Variants in TNRC6A observed in about 807,000 individuals in gnomAD.
TNRC6A encodes trinucleotide repeat-containing gene 6A protein.
Under a neutral mutation model 221.2 loss-of-function variants are expected in TNRC6A, and 44 were observed. The ratio of observed to expected loss-of-function variants is 0.20; its 90% CI spans 0.16 to 0.26. The LOEUF (loss-of-function observed/expected upper bound fraction) is 0.26, where lower values mean the gene tolerates loss of function less well. Among genes scored for constraint, TNRC6A ranks in the 10% least tolerant of loss-of-function variants. The pLI is 1.00. For synonymous variants in TNRC6A, 847 were observed against 838.5 expected (o/e 1.01, Z -0.18); for missense variants, 2,199 against 2,404.4 (o/e 0.91, Z 1.79).
chr16:24,675,702 C>CTCTATATATA (rs1180245687), intron 2 of TNRC6A, among the ~76,000 whole-genome samples: 1 of 33,264 alleles, frequency 3.0e-5, no homozygotes, highest in Non-Finnish European at 5.2e-5. Flanking sequence ...CTCTCTCTCT[C>CTCTATATATA]TATATATATA....
intron 2 of TNRC6A, among the ~76,000 whole-genome samples, chr16:24,675,357 C>T (rs551361049): frequency 6.6e-6 from 1 of 151,940 alleles, no homozygotes; most frequent in South Asian, 2.1e-4. Flanking sequence ...TTCAGGCTGC[C>T]GAAGGATACA....
intron 2 of TNRC6A, among the ~76,000 whole-genome samples, chr16:24,722,675 C>T (rs543437274): frequency 6.6e-6 from 1 of 152,148 alleles, no homozygotes; most frequent in South Asian, 2.1e-4. Flanking sequence ...CCCAAATGAT[C>T]CACCTGCCTC....
intron 5 of TNRC6A, among the ~76,000 whole-genome samples, chr16:24,780,196 C>CGAGT (rs1470304747): frequency 6.6e-6 from 1 of 152,182 alleles, no homozygotes; most frequent in East Asian, 1.9e-4. Flanking sequence ...ACATAGTGAA[C>CGAGT]ACTCGTATAC....
chr16:24,780,757 GTT>G (rs35114560), intron 5 of TNRC6A, among the ~76,000 whole-genome samples: 7,757 of 149,098 alleles, frequency 0.052, 620 homozygotes, highest in East Asian at 0.36. Context: ...GTTTGAAGTA[GTT>G]TTTTTTTTTT....
intron 7 of TNRC6A, 55 bp downstream of exon 7, chr16:24,793,704 G>A: frequency 7.8e-7 from 1 of 1,282,530 alleles, no homozygotes. Flanking sequence ...AACACTCACT[G>A]ACTATAATTA....
intron 2 of TNRC6A, among the ~76,000 whole-genome samples, chr16:24,645,182 T>G (rs1220739769): frequency 6.6e-6 from 1 of 152,236 alleles, no homozygotes; most frequent in African/African-American, 2.4e-5. Context: ...GTGGTTTGAC[T>G]TTGAAGCAAA....
intron 9 of TNRC6A, among the ~76,000 whole-genome samples, chr16:24,796,634 C>T (rs1467876537): frequency 6.6e-6 from 1 of 152,158 alleles, no homozygotes; most frequent in Non-Finnish European, 1.5e-5. Flanking sequence ...ACTTCAGAAT[C>T]TGCGGAGAGA....
At chr16:24,623,901 C>CAAAAAAA (rs67546745) in intron 1 of TNRC6A, among the ~76,000 whole-genome samples, 3 of 55,160 alleles carry the variant, frequency 5.4e-5, no homozygotes, top group Admixed American at 3.3e-4. Flanking sequence ...GACCCTGTCT[C>CAAAAAAA]AAAAAAAAAA....
At chr16:24,798,353 G>A (rs2058263846) in intron 11 of TNRC6A, among the ~76,000 whole-genome samples, 1 of 152,188 alleles carries the variant, frequency 6.6e-6, no homozygotes, top group East Asian at 1.9e-4. Context: ...AGCCGTGGTG[G>A]TGGTAGTGAA....
chr16:24,623,677 G>A (rs1366241857), intron 1 of TNRC6A, among the ~76,000 whole-genome samples: 1 of 151,850 alleles, frequency 6.6e-6, no homozygotes, highest in African/African-American at 2.4e-5. Flanking sequence ...GGGTGCTTGA[G>A]TCCAGGAGTT....
At chr16:24,762,463 G>A (rs1054522985) in intron 4 of TNRC6A, among the ~76,000 whole-genome samples, 1 of 148,072 alleles carries the variant, frequency 6.8e-6, no homozygotes, top group African/African-American at 2.4e-5. Flanking sequence ...CACTAATAAT[G>A]AATGGGTATC....
rs915296640 is a variant in TNRC6A, at chr16:24,770,385, G to A, written c.164-6548G>A. On this transcript the variant is annotated intron_variant, in intron 4 of 24. Coordinates refer to ENST00000395799, the MANE Select transcript of TNRC6A (RefSeq NM_014494.4). ...ATTTCGGGATGCGTGAAAGTGGGTG[G>A]GGCAGGGATCAAGACTTGAGCCAGG... Among the ~76,000 whole-genome samples, 44 of 152,098 alleles carry A rather than the reference G, an allele frequency of 2.9e-4. 1 individual carries two copies. The highest frequency in any genetic ancestry group is 2.7e-3 in the Admixed American group (42 of 15,288).
Position 24,818,696 on chromosome 16 carries a change from T to C in TNRC6A, c.5076T>C (p.Thr1692=). 1 of 1,613,782 alleles carries C rather than the reference T, an allele frequency of 6.2e-7. No homozygotes were observed. Among genetic ancestry groups the C allele is most frequent in the Non-Finnish European group, 8.5e-7 (1 of 1,179,708 alleles). The part of the protein sequence containing the change: ...NVPLSSTAQS[T]SARNSDSKLT... ...CCCTCAGCAGTACAGCACAAAGCAC[T>C]TCAGGTGGGCCTCGCCTTCGCTCAG... Residue 1692 remains threonine, a synonymous_variant, in exon 21 of 25, where the codon ACT becomes ACC. Transcript: ENST00000395799.
At chr16:24,711,842 A>G (rs2056211639) in intron 2 of TNRC6A, among the ~76,000 whole-genome samples, 1 of 151,892 alleles carries the variant, frequency 6.6e-6, no homozygotes, top group Admixed American at 6.6e-5. Context: ...ATTTTTAAAA[A>G]TAGAGATGGA....
intron 22 of TNRC6A, 45 bp from the exon 23 acceptor site, chr16:24,822,032 C>T: frequency 6.3e-7 from 1 of 1,593,126 alleles, no homozygotes; most frequent in Non-Finnish European, 8.6e-7. Context: ...TAGTTGGGCT[C>T]TTTCAGTCCT....
In TNRC6A at chr16:24,681,723, TA is replaced by T. The variant is rs1228276013; in HGVS notation, n.402+40715del. On this transcript the variant is annotated intron_variant and non_coding_transcript_variant, in intron 2 of 2. Transcript: ENST00000566108. ...TATTTGCTGCTCTATCCTTAGGGGC[TA>T]GAACAGTGCTTGATGCTTAATAGGC... Among the ~76,000 whole-genome samples, 6 of 152,178 alleles carry T rather than the reference TA, an allele frequency of 3.9e-5. No homozygotes were observed. In the East Asian group the frequency reaches 9.6e-4, roughly 24 times the overall value.
Position 24,793,224 on chromosome 16 carries a change from A to G in TNRC6A, c.3176-249A>G, listed in dbSNP as rs542283095. 2.4e-4 allele frequency: 68 copies of G among 285,820 alleles called. 3 individuals carry two copies. In the South Asian group the frequency reaches 0.011, roughly 46 times the overall value. 17.7% of individuals were successfully genotyped at this position (285,820 alleles called of 1,614,324 possible). On this transcript the variant is annotated intron_variant, in intron 6 of 24. Transcript: ENST00000395799. The stretch of plus-strand genomic sequence containing the variant: ...GAGTGGTTTTCCATAACTATGCAAA[A>G]ATCAGCTCTAGGTCTAGAGGGTAAT...
At chr16:24,729,970 C>A in intron 1 of TNRC6A, 124 bp downstream of exon 1, 2 of 916,842 alleles carry the variant, frequency 2.2e-6, no homozygotes, top group Non-Finnish European at 2.7e-6. Flanking sequence ...CGGGCCTCGG[C>A]GGGAGGGCGC....
intron 1 of TNRC6A, among the ~76,000 whole-genome samples, chr16:24,634,877 T>A (rs1901545651): frequency 6.6e-6 from 1 of 152,210 alleles, no homozygotes; most frequent in African/African-American, 2.4e-5. Context: ...TAATGTAAAT[T>A]TCACAATGTA....
Sources: allele counts gnomAD v4.1 joint callset (sites outside exome capture counted in the v4.1 genomes callset), GRCh38; gene constraint gnomAD v4.1.1; transcripts MANE v1.5; gene names NCBI Gene and HGNC (gene_info 2026-07-23, HGNC 2026-07-21).